CEP41: variants seen among roughly 807,000 people sequenced by gnomAD.
CEP41 encodes centrosomal protein 41, also known as centrosomal protein of 41 kDa.
Under a neutral mutation model 44.3 loss-of-function variants are expected in CEP41, and 32 were observed. That is an observed-to-expected ratio of 0.72 (90% CI 0.54 to 0.97). The LOEUF (loss-of-function observed/expected upper bound fraction) is 0.97. CEP41 is among the 50% of genes least tolerant of loss of function. The pLI is 0.00. For synonymous variants in CEP41, 151 were observed against 168.5 expected (o/e 0.90, Z 0.80); for missense variants, 432 against 455.2 (o/e 0.95, Z 0.46).
In CEP41 at chr7:130,402,854, GTCGAACGTGTCTCT is replaced by G; in HGVS notation, c.423-69_423-56del. On this transcript the variant is annotated intron_variant, in intron 6 of 10. Coordinates refer to ENST00000223208, the MANE Select transcript of CEP41 (RefSeq NM_018718.3). ...CTAGTCAGAGGTTGGTGGCTTAAAGGTCGAACGTGTCTCTTCAGAATAGTGAGGTGAGTGCTCAA... is the reference window on the plus strand; with the variant it reads ...CTAGTCAGAGGTTGGTGGCTTAAAGGTCAGAATAGTGAGGTGAGTGCTCAA... 5.1e-6 allele frequency: 8 copies of G among 1,557,402 alleles called. No homozygotes were observed. The South Asian group carries it at 8.9e-5, about 17-fold the overall frequency.
intron 1 of CEP41, 82 bp downstream of exon 1, chr7:130,440,852 G>C: frequency 6.7e-7 from 1 of 1,497,672 alleles, no homozygotes; most frequent in Non-Finnish European, 9.1e-7. Flanking sequence ...GGCGGAAGTC[G>C]CTGGCTGCTC....
intron 2 of CEP41, chr7:130,421,699 G>C (rs997879178): frequency 7.2e-5 from 83 of 1,146,502 alleles, no homozygotes; most frequent in Middle Eastern, 3.6e-4. Flanking sequence ...AGACTGAGTG[G>C]AGAAAGCCTA....
Position 130,396,467 on chromosome 7 carries a change from C to CA in CEP41, c.*2423dup. ...TCACACCAGTCTCCTGTGGCTCCCC[C>CA]AAATCATCTCGACAGAAAAGAAGAG... is the stretch of plus-strand genomic sequence containing the variant. On this transcript the variant is annotated 3_prime_UTR_variant, in exon 11 of 11. Coordinates refer to ENST00000223208, the MANE Select transcript of CEP41 (RefSeq NM_018718.3). 2.2e-6 allele frequency: 1 copy of CA among 454,504 alleles called. No individual in the cohort carries two copies. The allele number at this position is 454,504 out of a possible 1,614,324, so 28.2% of individuals were successfully genotyped here.
chr7:130,400,024 G>T lies in CEP41; in HGVS notation c.973+15C>A. 6.5e-7 allele frequency: 1 copy of T among 1,530,628 alleles called. No homozygotes were observed. Among genetic ancestry groups the T allele is most frequent in the Non-Finnish European group, 9.0e-7 (1 of 1,105,558 alleles). 94.8% of individuals were successfully genotyped at this position (1,530,628 alleles called of 1,614,324 possible). A position where few individuals can be genotyped will look rare whatever the true frequency, so the allele number is the denominator to read the frequency against. On this transcript the variant is annotated intron_variant, in intron 10 of 10. Coordinates refer to ENST00000223208, the MANE Select transcript of CEP41 (RefSeq NM_018718.3). ...TGCAAACCAAACATTATCTTTAAAG[G>T]TCAAAAGATCTTACTAGGATGATCT... is the stretch of plus-strand genomic sequence containing the variant.
rs1004003283 is a variant in CEP41 at position 130,398,309 on chromosome 7, T to A, written c.*582A>T. On this transcript the variant is annotated 3_prime_UTR_variant, in exon 11 of 11. Transcript: ENST00000223208. Reference sequence around the variant, plus strand: ...TTTCAGTGAGTACACAGGCACTGGCTTCCATACTCAAAACAGGGCCTGCAA... The same window carrying A: ...TTTCAGTGAGTACACAGGCACTGGCATCCATACTCAAAACAGGGCCTGCAA... 1.5e-5 allele frequency: 7 copies of A among 453,990 alleles called. No homozygotes were observed. Among genetic ancestry groups the A allele is most frequent in the Non-Finnish European group, 2.6e-5 (6 of 226,784 alleles). 28.1% of individuals were successfully genotyped at this position (453,990 alleles called of 1,614,324 possible). A position where few individuals can be genotyped will look rare whatever the true frequency, so the allele number is the denominator to read the frequency against.
chr7:130,424,087 C>A (rs1354762040), intron 2 of CEP41, among the ~76,000 whole-genome samples: 1 of 151,986 alleles, frequency 6.6e-6, no homozygotes, highest in African/African-American at 2.4e-5. Context: ...ATTAAAATAG[C>A]TAAAATAACT....
At position 130,403,778 on chromosome 7, in the gene CEP41, A is replaced by G. The variant is rs1229213070; in HGVS notation, c.422+786T>C. ...GAACATCTGTTTGATAAGAAACTGC[A>G]TCCTCAGTGGAAGTCCTGTTGGCCT... On this transcript the variant is annotated intron_variant, in intron 6 of 10. Transcript: ENST00000223208. Among the ~76,000 whole-genome samples, 4 of 152,244 alleles carry G rather than the reference A, an allele frequency of 2.6e-5. No homozygotes were observed. In the East Asian group the frequency reaches 7.7e-4, roughly 29 times the overall value.
intron 1 of CEP41, chr7:130,440,597 G>C (rs1798118831): frequency 1.9e-6 from 1 of 514,106 alleles, no homozygotes; most frequent in Non-Finnish European, 3.5e-6. Flanking sequence ...TGCCATTAGT[G>C]TGCAGCGCTT....
At position 130,396,488 on chromosome 7, in the gene CEP41, A is replaced by C. The variant is rs1554414588; in HGVS notation, c.*2403T>G. On this transcript the variant is annotated 3_prime_UTR_variant, in exon 11 of 11. Coordinates refer to ENST00000223208, the MANE Select transcript of CEP41 (RefSeq NM_018718.3). ...CCCCCAAATCATCTCGACAGAAAAG[A>C]AGAGAGAAGTTGGCAGTTTTCAGCA... 1 of 454,554 alleles carries C rather than the reference A, an allele frequency of 2.2e-6. No individual in the cohort carries two copies. Among genetic ancestry groups the C allele is most frequent in the Admixed American group, 2.3e-5 (1 of 42,580 alleles). The allele number at this position is 454,554 out of a possible 1,614,324, so 28.2% of individuals were successfully genotyped here. A position where few individuals can be genotyped will look rare whatever the true frequency, so the allele number is the denominator to read the frequency against.
rs55776575 is a variant in CEP41 at position 130,397,506 on chromosome 7, ATTTTTTTTTTT to A, written c.*1374_*1384del. 231 of 303,650 alleles carry A rather than the reference ATTTTTTTTTTT, an allele frequency of 7.6e-4. No homozygotes were observed. Among genetic ancestry groups the A allele is most frequent in the Admixed American group, 1.5e-3 (30 of 19,406 alleles). The allele number at this position is 303,650 out of a possible 1,614,324, so 18.8% of individuals were successfully genotyped here. On this transcript the variant is annotated 3_prime_UTR_variant, in exon 11 of 11. Transcript: ENST00000223208. ...CCCCATGCTAGAAATACTGTGGTGC[ATTTTTTTTTTT>A]TTTTTTTTTTTTTTTTGGTGGCGAG...
chr7:130,440,515 A>C, intron 1 of CEP41: 1 of 353,016 alleles, frequency 2.8e-6, no homozygotes, highest in Non-Finnish European at 5.3e-6. Flanking sequence ...CCCGTTTTCC[A>C]AAGGTTTGGT....
At chr7:130,428,508 C>A (rs1382286028) in intron 1 of CEP41, among the ~76,000 whole-genome samples, 1 of 145,072 alleles carries the variant, frequency 6.9e-6, no homozygotes, top group Non-Finnish European at 1.5e-5. Context: ...TTCTTTTCAA[C>A]AGCATTTCCA....
In CEP41 at chr7:130,397,235, G is replaced by C. The variant is rs1796689295; in HGVS notation, c.*1656C>G. 1 of 454,408 alleles carries C rather than the reference G, an allele frequency of 2.2e-6. No homozygotes were observed. The highest frequency in any genetic ancestry group is 4.4e-6 in the Non-Finnish European group (1 of 226,794). The allele number at this position is 454,408 out of a possible 1,614,324, so 28.1% of individuals were successfully genotyped here. ...GAAACATGACAGGCTCCTCATTAAA[G>C]CTATGTGTACGTTGGCTGAATTTTA... On this transcript the variant is annotated 3_prime_UTR_variant, in exon 11 of 11. Transcript: ENST00000223208.
At chr7:130,414,583 C>CA (rs1415248601) in intron 3 of CEP41, among the ~76,000 whole-genome samples, 22 of 151,876 alleles carry the variant, frequency 1.4e-4, no homozygotes, top group African/African-American at 3.6e-4. Context: ...TTTAAACAAA[C>CA]AAAAAAAAGA....
chr7:130,402,012 C>T, intron 7 of CEP41, 64 bp from the exon 8 acceptor site: 4 of 1,115,468 alleles, frequency 3.6e-6, no homozygotes, highest in Non-Finnish European at 5.5e-6. Context: ...GCCTCAATTC[C>T]CAGCTGGTTT....
Position 130,427,962 on chromosome 7 carries a change from C to A in CEP41, c.90G>T (p.Leu30=). 1 of 1,600,772 alleles carries A rather than the reference C, an allele frequency of 6.2e-7. No individual in the cohort carries two copies. Among genetic ancestry groups the A allele is most frequent in the Non-Finnish European group, 8.6e-7 (1 of 1,168,240 alleles). ...TTTCTAATCTTTACTCACCAGTGTCCAGTCTTGATTTGATATGCTGGTATC... is the reference window on the plus strand; with the variant it reads ...TTTCTAATCTTTACTCACCAGTGTCAAGTCTTGATTTGATATGCTGGTATC... ...NPRYQHIKSR[L]DTGNSMTKYT... The change falls in exon 2 of 11, where the codon CTG becomes CTT. Residue 30 remains leucine (L), a synonymous_variant. Transcript: ENST00000223208.
Position 130,440,977 on chromosome 7 carries a change from A to C in CEP41, c.-11T>G. 1.2e-6 allele frequency: 2 copies of C among 1,612,410 alleles called. No homozygotes were observed. Among genetic ancestry groups the C allele is most frequent in the Non-Finnish European group, 1.7e-6 (2 of 1,179,904 alleles). On this transcript the variant is annotated 5_prime_UTR_variant, in exon 1 of 11. Transcript: ENST00000223208. ...CCTCCGGAGGGACATATTTTCTCCA[A>C]CCGACCACGTTCGGGGTTCTAGCCT... is the stretch of plus-strand genomic sequence containing the variant.
At chr7:130,437,783 A>AAAAG (rs1198764530) in intron 1 of CEP41, among the ~76,000 whole-genome samples, 42 of 135,718 alleles carry the variant, frequency 3.1e-4, no homozygotes, top group African/African-American at 1.1e-3. Context: ...AAAAAAAAAA[A>AAAAG]AAAAAGAAAA....
intron 5 of CEP41, among the ~76,000 whole-genome samples, chr7:130,410,033 T>TTTTTTTTTTTCTTTC (rs1797130036): frequency 6.7e-6 from 1 of 149,314 alleles, no homozygotes; most frequent in Admixed American, 6.7e-5. Flanking sequence ...GGTCTTCTTT[T>TTTTTTTTTTTCTTTC]TTTTTTTTTT....
Sources: allele counts gnomAD v4.1 joint callset (sites outside exome capture counted in the v4.1 genomes callset), GRCh38; gene constraint gnomAD v4.1.1; transcripts MANE v1.5; gene names NCBI Gene and HGNC (gene_info 2026-07-23, HGNC 2026-07-21).